Variants in TRUB1 observed in about 807,000 individuals in gnomAD.
TRUB1 encodes TruB pseudouridine synthase family member 1, also known as pseudouridylate synthase TRUB1.
In TRUB1, 23 loss-of-function variants were observed where a neutral mutation model predicts 33.9. The ratio of observed to expected loss-of-function variants is 0.68; its 90% CI spans 0.49 to 0.96. The LOEUF is 0.96. Among genes scored for constraint, TRUB1 ranks in the 40% least tolerant of loss-of-function variants. The probability of loss-of-function intolerance (pLI) is 0.00; values close to 1 mark genes in which losing one functional copy is unlikely to be tolerated. For missense variants in TRUB1, 378 were observed against 422.2 expected (o/e 0.90, Z 0.92); for synonymous variants, 163 against 165.4 (o/e 0.99, Z 0.11).
chr10:114,961,642 C>T lies in TRUB1; in HGVS notation c.523+1835C>T, dbSNP rs60199062. On this transcript the variant is annotated intron_variant, in intron 4 of 7. Coordinates refer to ENST00000298746, the MANE Select transcript of TRUB1 (RefSeq NM_139169.5). Reference sequence around the variant, plus strand: ...AGAGAAACTAAGAACGTTTTTCAGGCTGTGAAGAGAAGAGCTTCCTACAGT... The same window carrying T: ...AGAGAAACTAAGAACGTTTTTCAGGTTGTGAAGAGAAGAGCTTCCTACAGT... 6.9e-3 allele frequency among the ~76,000 whole-genome samples: 1,048 copies of T among 152,232 alleles called. 13 individuals are homozygous for T. Among genetic ancestry groups the T allele is most frequent in the African/African-American group, 0.024 (981 of 41,534 alleles).
intron 4 of TRUB1, among the ~76,000 whole-genome samples, chr10:114,963,165 A>T (rs1222777111): frequency 6.6e-6 from 1 of 152,232 alleles, no homozygotes; most frequent in Non-Finnish European, 1.5e-5. Context: ...AGGTAGAAAG[A>T]AAAGTGGAAT....
chr10:114,971,070 C>T (rs10885641), intron 5 of TRUB1, among the ~76,000 whole-genome samples: 9,909 of 152,190 alleles, frequency 0.065, 457 homozygotes, highest in Middle Eastern at 0.18. Flanking sequence ...GGCTCAGCGT[C>T]GGGTGAAGGC....
rs541094018 is a variant in TRUB1, at chr10:114,944,382, T to C, written c.385+1639T>C. On this transcript the variant is annotated intron_variant, in intron 2 of 7. Coordinates refer to ENST00000298746, the MANE Select transcript of TRUB1 (RefSeq NM_139169.5). ...CAAGAACATTATATACTGTATGATT[T>C]TGTATTTTCTAAAATTATAGATTTA... Among the ~76,000 whole-genome samples the C allele has an allele frequency of 6.9e-4, 105 of 152,322 alleles. 2 individuals are homozygous for C. The South Asian group carries it at 0.021, about 31-fold the overall frequency.
At chr10:114,966,691 A>G (rs554505339) in intron 4 of TRUB1, among the ~76,000 whole-genome samples, 205 of 152,272 alleles carry the variant, frequency 1.3e-3, no homozygotes, top group African/African-American at 4.6e-3. Context: ...AGATCTTTAC[A>G]TCCTTTGTTT....
chr10:114,951,394 T>C (rs963158822), intron 3 of TRUB1, among the ~76,000 whole-genome samples: 3 of 152,226 alleles, frequency 2.0e-5, no homozygotes, highest in Admixed American at 6.5e-5. Context: ...AACAAAATTA[T>C]ATTTAGACTT....
intron 7 of TRUB1, 66 bp downstream of exon 7, chr10:114,974,451 G>T: frequency 7.1e-7 from 1 of 1,406,348 alleles, no homozygotes; most frequent in Non-Finnish European, 1.0e-6. Context: ...TTGGAAGAGG[G>T]AATTTTCCGT....
intron 2 of TRUB1, among the ~76,000 whole-genome samples, chr10:114,946,402 C>T (rs895089496): frequency 2.6e-5 from 4 of 151,926 alleles, no homozygotes; most frequent in Admixed American, 6.6e-5. Flanking sequence ...AGTGCGGTGG[C>T]GTGATCTCAG....
In TRUB1 at chr10:114,951,113, A is replaced by G. The variant is rs371593499; in HGVS notation, c.405A>G (p.Gly135=). The G allele has an allele frequency of 6.2e-7, 1 of 1,612,712 alleles. No homozygotes were observed. The highest frequency in any genetic ancestry group is 8.5e-7 in the Non-Finnish European group (1 of 1,179,274). ...RGVLVVGIGS[G]TKMLTSMLSG... ...TTGTAGTTGTTGGAATTGGAAGCGG[A>G]ACAAAAATGTTGACCAGTATGTTGT... Residue 135 remains glycine (G), a synonymous_variant, in exon 3 of 8, where the codon GGA becomes GGG. Coordinates refer to ENST00000298746, the MANE Select transcript of TRUB1 (RefSeq NM_139169.5).
intron 1 of TRUB1, among the ~76,000 whole-genome samples, chr10:114,939,575 T>C (rs1348666773): frequency 6.6e-6 from 1 of 152,232 alleles, no homozygotes; most frequent in African/African-American, 2.4e-5. Flanking sequence ...ATGGGAATTA[T>C]AACTGACAGT....
In TRUB1 at chr10:114,938,342, CAATGG is replaced by C; in HGVS notation, c.90_94del (p.Met31CysfsTer128). 2 of 1,608,642 alleles carry C rather than the reference CAATGG, an allele frequency of 1.2e-6. No homozygotes were observed. The highest frequency in any genetic ancestry group is 1.7e-6 in the Non-Finnish European group (2 of 1,177,848). On this transcript the variant is annotated frameshift_variant, in exon 1 of 8. Coordinates refer to ENST00000298746, the MANE Select transcript of TRUB1 (RefSeq NM_139169.5). LOFTEE classifies it high-confidence loss of function. Reference sequence around the variant, plus strand: ...CTTGAAACTGCAGGAACGGTCGCAGCAATGGCTGCGACCCCGTCAGCAAGGGCTGC... The same window carrying C: ...CTTGAAACTGCAGGAACGGTCGCAGCCTGCGACCCCGTCAGCAAGGGCTGC...
At chr10:114,974,510 T>G (rs1249017200) in intron 7 of TRUB1, 125 bp downstream of exon 7, 1 of 723,622 alleles carries the variant, frequency 1.4e-6, no homozygotes, top group African/African-American at 1.8e-5. Context: ...CTTGCTGCCT[T>G]CAGCTTTAAA....
intron 4 of TRUB1, 107 bp downstream of exon 4, chr10:114,959,914 C>A: frequency 1.5e-6 from 1 of 677,442 alleles, no homozygotes; most frequent in South Asian, 2.0e-5. Flanking sequence ...TTTTAATTCT[C>A]AGTGTGTTTC....
intron 4 of TRUB1, among the ~76,000 whole-genome samples, chr10:114,968,900 C>A: frequency 6.6e-6 from 1 of 152,152 alleles, no homozygotes; most frequent in South Asian, 2.1e-4. Context: ...ATTTAATACA[C>A]ATATACCAGA....
chr10:114,955,932 TA>T (rs1464487163), intron 3 of TRUB1, among the ~76,000 whole-genome samples: 2 of 152,240 alleles, frequency 1.3e-5, no homozygotes, highest in Non-Finnish European at 2.9e-5. Flanking sequence ...ATAGGTTTTT[TA>T]AAAAGTGTTC....
chr10:114,947,448 T>C (rs570916855), intron 2 of TRUB1, among the ~76,000 whole-genome samples: 4 of 152,172 alleles, frequency 2.6e-5, no homozygotes, highest in Non-Finnish European at 5.9e-5. Context: ...TTCAAAAAAA[T>C]TTTTTTAACT....
At chr10:114,966,971 C>T (rs1315708230) in intron 4 of TRUB1, among the ~76,000 whole-genome samples, 1 of 152,150 alleles carries the variant, frequency 6.6e-6, no homozygotes, top group African/African-American at 2.4e-5. Flanking sequence ...AAAGTTTCTT[C>T]ATTCTGGATG....
At chr10:114,946,101 A>C (rs1365836538) in intron 2 of TRUB1, among the ~76,000 whole-genome samples, 1 of 152,208 alleles carries the variant, frequency 6.6e-6, no homozygotes, top group Non-Finnish European at 1.5e-5. Context: ...TGTGTGATAA[A>C]ATAAACACTG....
rs945837977 is a variant in TRUB1, at chr10:114,977,450, G to C, written c.*2071G>C. The stretch of plus-strand genomic sequence containing the variant: ...TATTATGATAAATTCCTGGGAGGGG[G>C]ATTATTTAGTGAAATAATATGAAGA... On this transcript the variant is annotated 3_prime_UTR_variant, in exon 8 of 8. Transcript: ENST00000298746. 1 of 151,886 alleles carries C rather than the reference G, an allele frequency of 6.6e-6. No homozygotes were observed. The highest frequency in any genetic ancestry group is 1.5e-5 in the Non-Finnish European group (1 of 67,880). The allele number at this position is 151,886 out of a possible 1,614,324, so 9.4% of individuals were successfully genotyped here. A position where few individuals can be genotyped will look rare whatever the true frequency, so the allele number is the denominator to read the frequency against.
chr10:114,959,577 TAAA>T, intron 3 of TRUB1, 146 bp from the exon 4 acceptor site: 1 of 648,842 alleles, frequency 1.5e-6, no homozygotes, highest in Non-Finnish European at 2.7e-6. Context: ...TTCCACATAT[TAAA>T]AACAAAACAA....
Sources: gnomAD v4.1 joint callset for allele counts (sites outside exome capture counted in the v4.1 genomes callset) on GRCh38, gnomAD v4.1.1 for gene constraint, MANE v1.5 for transcripts, NCBI Gene and HGNC (gene_info 2026-07-23, HGNC 2026-07-21) for gene names.